The following KCNQ5 variants were observed in gnomAD, a reference collection of about 807,000 sequenced individuals.
KCNQ5 encodes the protein potassium voltage-gated channel subfamily KQT member 5.
In KCNQ5, 30 loss-of-function variants were observed where a neutral mutation model predicts 98.2. The ratio of observed to expected loss-of-function variants is 0.31; its 90% CI spans 0.23 to 0.41. The LOEUF (loss-of-function observed/expected upper bound fraction) is 0.41. KCNQ5 is among the 10% of genes least tolerant of loss of function. The pLI is 1.00. For missense variants in KCNQ5, 835 were observed against 1,182.5 expected (o/e 0.71, Z 4.31); for synonymous variants, 458 against 449.4 (o/e 1.02, Z -0.24).
chr6:73,180,479 C>A (rs536236985), intron 11 of KCNQ5, among the ~76,000 whole-genome samples: 53 of 152,302 alleles, frequency 3.5e-4, no homozygotes, highest in African/African-American at 1.3e-3. Context: ...CCAAGGCACA[C>A]TAATGCCATG....
intron 1 of KCNQ5, among the ~76,000 whole-genome samples, chr6:72,635,842 G>A (rs76546603): frequency 7.3e-5 from 11 of 151,706 alleles, no homozygotes; most frequent in Admixed American, 2.6e-4. Flanking sequence ...TACTGCCTAC[G>A]TAGACTGGGT....
At chr6:72,702,393 T>C (rs749968259) in intron 1 of KCNQ5, among the ~76,000 whole-genome samples, 3 of 152,182 alleles carry the variant, frequency 2.0e-5, no homozygotes, top group Non-Finnish European at 4.4e-5. Context: ...TCCTGAGTTA[T>C]TGGCCAAGAT....
intron 10 of KCNQ5, among the ~76,000 whole-genome samples, chr6:73,162,576 C>A (rs905640039): frequency 6.6e-6 from 1 of 152,170 alleles, no homozygotes; most frequent in African/African-American, 2.4e-5. Flanking sequence ...GAACAGAGGG[C>A]CAGCCTCAGC....
At chr6:72,748,942 G>C (rs1422867347) in intron 1 of KCNQ5, among the ~76,000 whole-genome samples, 3 of 152,106 alleles carry the variant, frequency 2.0e-5, no homozygotes, top group African/African-American at 7.2e-5. Flanking sequence ...AAAAGTAAAG[G>C]CTCTAGAATG....
chr6:72,972,594 T>C (rs1767957979), intron 1 of KCNQ5, among the ~76,000 whole-genome samples: 2 of 151,808 alleles, frequency 1.3e-5, no homozygotes, highest in African/African-American at 4.8e-5. Context: ...ACATATGGTG[T>C]TTGGTTTTCT....
chr6:73,028,365 G>A lies in KCNQ5; in HGVS notation c.490-13571G>A, dbSNP rs537812819. ...CACGGATGAAAAAGGGGATGCAAAC[G>A]AGAGAGGCAAGAGTTGTTTCCTTTA... On this transcript the variant is annotated intron_variant, in intron 2 of 13. Transcript: ENST00000370398. 6.3e-4 allele frequency among the ~76,000 whole-genome samples: 96 copies of A among 152,288 alleles called. 1 individual carries two copies. The highest frequency in any genetic ancestry group is 2.1e-3 in the African/African-American group (89 of 41,556).
intron 10 of KCNQ5, among the ~76,000 whole-genome samples, chr6:73,165,659 G>A (rs2150498979): frequency 6.6e-6 from 1 of 152,298 alleles, no homozygotes; most frequent in Middle Eastern, 3.4e-3. Flanking sequence ...GATACAAGAA[G>A]GGCAGCCCCA....
At chr6:73,066,936 T>A (rs1773082260) in intron 3 of KCNQ5, among the ~76,000 whole-genome samples, 1 of 152,284 alleles carries the variant, frequency 6.6e-6, no homozygotes. Context: ...ACTAAAAAAA[T>A]TATAAATTTC....
chr6:72,906,503 C>T (rs1779705273), intron 1 of KCNQ5, among the ~76,000 whole-genome samples: 1 of 152,354 alleles, frequency 6.6e-6, no homozygotes, highest in South Asian at 2.1e-4. Context: ...TGGCCTCCTT[C>T]CTGAAGGGTC....
intron 3 of KCNQ5, among the ~76,000 whole-genome samples, chr6:73,049,801 G>A (rs1253592924): frequency 6.6e-6 from 1 of 151,974 alleles, no homozygotes; most frequent in African/African-American, 2.4e-5. Context: ...TAAGTAAAGG[G>A]GTTCCACTTG....
intron 10 of KCNQ5, among the ~76,000 whole-genome samples, chr6:73,145,923 G>C (rs550738355): frequency 6.6e-6 from 1 of 152,246 alleles, no homozygotes; most frequent in Non-Finnish European, 1.5e-5. Context: ...TAGCAGAAGA[G>C]AAAGAGACAG....
At chr6:72,636,753 C>A (rs2098924380) in intron 1 of KCNQ5, among the ~76,000 whole-genome samples, 1 of 152,120 alleles carries the variant, frequency 6.6e-6, no homozygotes, top group Non-Finnish European at 1.5e-5. Context: ...TAGCATATTC[C>A]CTCAAGAAAT....
intron 1 of KCNQ5, among the ~76,000 whole-genome samples, chr6:72,858,501 A>G (rs1777622526): frequency 6.6e-6 from 1 of 151,676 alleles, no homozygotes; most frequent in Admixed American, 6.6e-5. Context: ...TTTTTCCAAT[A>G]TAAATATTGG....
chr6:72,894,398 T>C (rs545872688), intron 1 of KCNQ5, among the ~76,000 whole-genome samples: 2 of 152,246 alleles, frequency 1.3e-5, no homozygotes, highest in Non-Finnish European at 2.9e-5. Context: ...AACTTAGTTC[T>C]TGTATGGCAA....
At chr6:72,776,866 A>T (rs1311639517) in intron 1 of KCNQ5, among the ~76,000 whole-genome samples, 1 of 152,184 alleles carries the variant, frequency 6.6e-6, no homozygotes, top group Non-Finnish European at 1.5e-5. Flanking sequence ...AAGCCAGCAG[A>T]CATGAGGCCA....
intron 1 of KCNQ5, among the ~76,000 whole-genome samples, chr6:72,787,021 A>T (rs1432280506): frequency 6.8e-6 from 1 of 146,968 alleles, no homozygotes; most frequent in Non-Finnish European, 1.5e-5. Context: ...AAAAAAAAAA[A>T]AAAAAAAAGA....
chr6:73,166,512 TAA>T (rs5877357), intron 10 of KCNQ5, among the ~76,000 whole-genome samples: 1 of 143,592 alleles, frequency 7.0e-6, no homozygotes, highest in Non-Finnish European at 1.5e-5. Context: ...TAGATTTCTC[TAA>T]AAAAAAAAAA....
chr6:72,877,491 G>A (rs1190163124), intron 1 of KCNQ5, among the ~76,000 whole-genome samples: 1 of 152,084 alleles, frequency 6.6e-6, no homozygotes, highest in Non-Finnish European at 1.5e-5. Flanking sequence ...TTGGTTCCAT[G>A]TCTTTGCTAT....
intron 1 of KCNQ5, among the ~76,000 whole-genome samples, chr6:72,714,871 T>G (rs1769564031): frequency 6.6e-6 from 1 of 152,186 alleles, no homozygotes; most frequent in Admixed American, 6.6e-5. Context: ...ATTTTTCTCA[T>G]CATATTTAGA....
Sources: gnomAD v4.1 joint callset for allele counts (sites outside exome capture counted in the v4.1 genomes callset) on GRCh38, gnomAD v4.1.1 for gene constraint, MANE v1.5 for transcripts, NCBI Gene and HGNC (gene_info 2026-07-23, HGNC 2026-07-21) for gene names.